Variants in ZNF786 observed in about 807,000 individuals in gnomAD.
ZNF786 encodes the protein zinc finger protein 786.
In ZNF786, 56 loss-of-function variants were observed where a neutral mutation model predicts 63.1. The observed-to-expected ratio is 0.89, with a 90% CI of 0.72 to 1.11. The LOEUF is 1.11. ZNF786 is among the 50% of genes least tolerant of loss of function. ZNF786 has a pLI of 0.00. For missense variants in ZNF786, 1,213 were observed against 1,041.8 expected (o/e 1.16, Z -2.26); for synonymous variants, 485 against 406.9 (o/e 1.19, Z -2.31).
chr7:149,070,864 C>T lies in ZNF786; in HGVS notation c.1908G>A (p.Met636Ile), dbSNP rs755423563. The change falls in exon 4 of 4, where the codon ATG becomes ATA. Residue 636 changes from methionine (M) to isoleucine (I), a missense_variant. Transcript: ENST00000491431. ...CDKRYRVKAD[M>I]KAHQLLHSGE... Reference sequence around the variant, plus strand: ...CGCTGTGCAGCAGCTGGTGGGCCTTCATGTCGGCCTTCACGCGATAGCGCT... The same window carrying T: ...CGCTGTGCAGCAGCTGGTGGGCCTTTATGTCGGCCTTCACGCGATAGCGCT... The T allele has an allele frequency of 1.2e-5, 19 of 1,613,170 alleles. No individual in the cohort carries two copies. The highest frequency in any genetic ancestry group is 2.7e-5 in the African/African-American group (2 of 74,716).
At position 149,071,635 on chromosome 7, in the gene ZNF786, AG is replaced by A. The variant is rs1046901479; in HGVS notation, c.1136del (p.Pro379LeufsTer2). 5.7e-6 allele frequency: 9 copies of A among 1,580,406 alleles called. No homozygotes were observed. Among genetic ancestry groups the A allele is most frequent in the Non-Finnish European group, 7.7e-6 (9 of 1,166,976 alleles). On this transcript the variant is annotated frameshift_variant, in exon 4 of 4. Coordinates refer to ENST00000491431, the MANE Select transcript of ZNF786 (RefSeq NM_152411.4). LOFTEE classifies it high-confidence loss of function. ...AGGGGCTGGCGAGCCTGGCGCTCATAGGGGAGCGCTCGCCACACTCCGAGCA... is the reference window on the plus strand; with the variant it reads ...AGGGGCTGGCGAGCCTGGCGCTCATAGGGAGCGCTCGCCACACTCCGAGCA... ...CSCSECGERS[P>X]MSARLASPCR...
intron 2 of ZNF786, among the ~76,000 whole-genome samples, chr7:149,076,392 G>A (rs1366975729): frequency 6.7e-6 from 1 of 149,956 alleles, no homozygotes; most frequent in African/African-American, 2.4e-5. Flanking sequence ...TGGGATTACA[G>A]GCATGAGCCA....
intron 2 of ZNF786, among the ~76,000 whole-genome samples, chr7:149,080,074 A>G (rs1346383210): frequency 6.6e-6 from 1 of 152,016 alleles, no homozygotes. Context: ...CGGTAGGCTG[A>G]GGCAGGAGAA....
rs747892425 is a variant in ZNF786 at position 149,072,069 on chromosome 7, G to A, written c.703C>T (p.Arg235Trp). 8 of 1,613,176 alleles carry A rather than the reference G, an allele frequency of 5.0e-6. No individual in the cohort carries two copies. Among genetic ancestry groups the A allele is most frequent in the Admixed American group, 3.3e-5 (2 of 59,914 alleles). Residue 235 changes from arginine (R) to tryptophan (W), a missense_variant, in exon 4 of 4, where the codon CGG (arginine) becomes TGG (tryptophan). Arg to Trp is a moderately radical substitution (Grantham distance 101, BLOSUM62 -3). Coordinates refer to ENST00000491431, the MANE Select transcript of ZNF786 (RefSeq NM_152411.4). Reference sequence around the variant, plus strand: ...CCACACCGGAAGTGCCTCTGTACCCGAGGGCTGCTCCACGGCATCTGCGTC... The same window carrying A: ...CCACACCGGAAGTGCCTCTGTACCCAAGGGCTGCTCCACGGCATCTGCGTC... Reference protein sequence around the residue: ...AETQMPWSSPRVQRHFRCGVC... With the variant: ...AETQMPWSSPWVQRHFRCGVC...
rs1825511122 is a variant in ZNF786 at position 149,074,664 on chromosome 7, G to A, written c.146-126C>T. The A allele has an allele frequency of 2.6e-6, 3 of 1,134,126 alleles. No homozygotes were observed. In the South Asian group the frequency reaches 5.3e-5, roughly 20 times the overall value. The allele number at this position is 1,134,126 out of a possible 1,614,324, so 70.3% of individuals were successfully genotyped here. A position where few individuals can be genotyped will look rare whatever the true frequency, so the allele number is the denominator to read the frequency against. ...CAACATGTCAAAAAAAAAAAAACAG[G>A]TTTACACAAAGATGAAAAAACCGCC... On this transcript the variant is annotated intron_variant, in intron 2 of 3. Coordinates refer to ENST00000491431, the MANE Select transcript of ZNF786 (RefSeq NM_152411.4).
Position 149,070,224 on chromosome 7 carries a change from AAAAAG to A in ZNF786, c.*194_*198del. ...AAACTCCATCTTGGAAAAAAAAAAA[AAAAAG>A]AAAGAAATATAATTGGTGATGCTTC... On this transcript the variant is annotated 3_prime_UTR_variant, in exon 4 of 4. Transcript: ENST00000491431. The A allele has an allele frequency of 2.9e-6, 2 of 686,516 alleles. No homozygotes were observed. Among genetic ancestry groups the A allele is most frequent in the Non-Finnish European group, 4.5e-6 (2 of 445,028 alleles). The allele number at this position is 686,516 out of a possible 1,614,324, so 42.5% of individuals were successfully genotyped here.
chr7:149,073,055 C>T (rs1049875118), intron 3 of ZNF786, among the ~76,000 whole-genome samples: 1 of 152,200 alleles, frequency 6.6e-6, no homozygotes, highest in Non-Finnish European at 1.5e-5. Flanking sequence ...TCTCTAAGAC[C>T]TGGCAGCAAG....
chr7:149,082,522 C>A (rs1208825361), intron 1 of ZNF786: 1 of 927,934 alleles, frequency 1.1e-6, no homozygotes, highest in Admixed American at 6.2e-5. Flanking sequence ...ATTGAACTGC[C>A]ATTGTTATTG....
At chr7:149,078,142 C>T (rs1056110987) in intron 2 of ZNF786, among the ~76,000 whole-genome samples, 30 of 151,302 alleles carry the variant, frequency 2.0e-4, no homozygotes, top group Admixed American at 5.9e-4. Flanking sequence ...GGATTACAGG[C>T]GTGAGCCACC....
chr7:149,074,974 C>CA (rs5888348), intron 2 of ZNF786, among the ~76,000 whole-genome samples: 80,441 of 151,814 alleles, frequency 0.53, 25,021 homozygotes, highest in East Asian at 0.9. Flanking sequence ...GGACTACAGG[C>CA]ACGCACCACC....
In ZNF786 at chr7:149,080,627, C is replaced by T. The variant is rs2129516347; in HGVS notation, c.109G>A (p.Val37Met). The T allele has an allele frequency of 6.2e-7, 1 of 1,612,756 alleles. No individual in the cohort carries two copies. The highest frequency in any genetic ancestry group is 8.5e-7 in the Non-Finnish European group (1 of 1,179,634). Residue 37 changes from valine (V) to methionine (M), a missense_variant, in exon 2 of 4, where the codon GTG (valine) becomes ATG (methionine). By Grantham distance (21) the Val-to-Met change is conservative. Transcript: ENST00000491431. ...AGAGTCTCATAATTGCTTCTCATCACATGCTTGTAAAGTTCCTTCTGCCAT... is the reference window on the plus strand; with the variant it reads ...AGAGTCTCATAATTGCTTCTCATCATATGCTTGTAAAGTTCCTTCTGCCAT... ...EAWQKELYKH[V>M]MRSNYETLVS...
intron 1 of ZNF786, among the ~76,000 whole-genome samples, chr7:149,086,256 A>C (rs1460295672): frequency 2.6e-5 from 4 of 152,210 alleles, no homozygotes; most frequent in Non-Finnish European, 4.4e-5. Flanking sequence ...TTTGGTTCAC[A>C]GTTCTGCAGG....
In ZNF786 at chr7:149,071,279, G is replaced by C. The variant is rs1825409051; in HGVS notation, c.1493C>G (p.Ala498Gly). ...CTCCCCACCGTGCCGGAGCCGGTGG[G>C]CTCTCAGCATGCTCTCCAGGCGGAA... Reference protein sequence around the residue: ...LSFRLESMLRAHRLRHGGERP... With the variant: ...LSFRLESMLRGHRLRHGGERP... Residue 498 changes from alanine to glycine, a missense_variant, in exon 4 of 4, where the codon GCC (alanine) becomes GGC (glycine). Transcript: ENST00000491431. 2 of 1,609,886 alleles carry C rather than the reference G, an allele frequency of 1.2e-6. No homozygotes were observed. The highest frequency in any genetic ancestry group is 1.7e-6 in the Non-Finnish European group (2 of 1,178,652).
In ZNF786 at chr7:149,070,862, T is replaced by C. The variant is rs754105396; in HGVS notation, c.1910A>G (p.Lys637Arg). 3 of 1,609,672 alleles carry C rather than the reference T, an allele frequency of 1.9e-6. No homozygotes were observed. In the South Asian group the frequency reaches 3.3e-5, roughly 18 times the overall value. ...DKRYRVKADM[K>R]AHQLLHSGEM... ...CCCGCTGTGCAGCAGCTGGTGGGCC[T>C]TCATGTCGGCCTTCACGCGATAGCG... Residue 637 changes from lysine (K) to arginine (R), a missense_variant, in exon 4 of 4, where the codon AAG becomes AGG. Lys to Arg is a conservative substitution (Grantham distance 26, BLOSUM62 2). Coordinates refer to ENST00000491431, the MANE Select transcript of ZNF786 (RefSeq NM_152411.4).
rs1479471660 is a variant in ZNF786 at position 149,070,794 on chromosome 7, G to A, written c.1978C>T (p.His660Tyr). Residue 660 changes from histidine (H) to tyrosine (Y), a missense_variant, in exon 4 of 4, where the codon CAC (histidine) becomes TAC (tyrosine). Coordinates refer to ENST00000491431, the MANE Select transcript of ZNF786 (RefSeq NM_152411.4). ...CTGATGTGCTCGATGAGCTTTGAGT[G>A]TTTCACAAAGCCCTTGCCGCACTCA... is the stretch of plus-strand genomic sequence containing the variant. ...SCECGKGFVK[H>Y]SKLIEHIRTH... 2 of 1,613,644 alleles carry A rather than the reference G, an allele frequency of 1.2e-6. No individual in the cohort carries two copies. The highest frequency in any genetic ancestry group is 2.7e-5 in the African/African-American group (2 of 74,926).
intron 1 of ZNF786, 122 bp from the exon 2 acceptor site, chr7:149,080,839 C>T (rs1825639407): frequency 8.4e-7 from 1 of 1,185,984 alleles, no homozygotes; most frequent in Non-Finnish European, 1.2e-6. Flanking sequence ...TCAGCAGCTT[C>T]TTCCTGGAGA....
rs1256057009 is a variant in ZNF786, at chr7:149,070,584, T to C, written c.2188A>G (p.Arg730Gly). The C allele has an allele frequency of 6.2e-7, 1 of 1,613,904 alleles. No individual in the cohort carries two copies. Among genetic ancestry groups the C allele is most frequent in the East Asian group, 2.2e-5 (1 of 44,898 alleles). The change falls in exon 4 of 4, where the codon AGG (arginine) becomes GGG (glycine). Residue 730 changes from arginine to glycine, a missense_variant. Arg to Gly is a moderately radical substitution (Grantham distance 125, BLOSUM62 -2). Transcript: ENST00000491431. Reference protein sequence around the residue: ...LRHQRIHRPERPFACGDCGKG... With the variant: ...LRHQRIHRPEGPFACGDCGKG... The stretch of plus-strand genomic sequence containing the variant: ...CCACAATCGCCACAGGCAAAGGGCC[T>C]CTCGGGCCTGTGGATGCGCTGGTGC...
chr7:149,087,143 G>A (rs1033559396), intron 1 of ZNF786, among the ~76,000 whole-genome samples: 4 of 152,066 alleles, frequency 2.6e-5, no homozygotes, highest in Admixed American at 6.6e-5. Flanking sequence ...GTGCCCAGCC[G>A]CAAATCCAAT....
rs191711263 is a variant in ZNF786 at position 149,070,870 on chromosome 7, G to T, written c.1902C>A (p.Ala634=). 6.2e-7 allele frequency: 1 copy of T among 1,613,100 alleles called. No individual in the cohort carries two copies. Among genetic ancestry groups the T allele is most frequent in the East Asian group, 2.2e-5 (1 of 44,842 alleles). The change falls in exon 4 of 4, where the codon GCC becomes GCA. Residue 634 remains alanine, a synonymous_variant. Coordinates refer to ENST00000491431, the MANE Select transcript of ZNF786 (RefSeq NM_152411.4). ...PECDKRYRVK[A]DMKAHQLLHS... ...GCAGCAGCTGGTGGGCCTTCATGTC[G>T]GCCTTCACGCGATAGCGCTTGTCGC... is the stretch of plus-strand genomic sequence containing the variant.
Sources: allele counts gnomAD v4.1 joint callset (sites outside exome capture counted in the v4.1 genomes callset), GRCh38; gene constraint gnomAD v4.1.1; transcripts MANE v1.5; gene names NCBI Gene and HGNC (gene_info 2026-07-23, HGNC 2026-07-21).